Variants in SLC35F4 observed in about 807,000 individuals in gnomAD.
SLC35F4 encodes the protein chromosome 14 open reading frame 36.
In SLC35F4, 24 loss-of-function variants were observed where a neutral mutation model predicts 44.2. That is an observed-to-expected ratio of 0.54 (90% CI 0.39 to 0.76). The LOEUF is 0.76. SLC35F4 is among the 30% of genes least tolerant of loss of function. SLC35F4 has a pLI of 0.00. For missense variants in SLC35F4, 562 were observed against 586.1 expected (o/e 0.96, Z 0.42); for synonymous variants, 238 against 223.6 (o/e 1.06, Z -0.57).
intron 1 of SLC35F4, among the ~76,000 whole-genome samples, chr14:57,777,836 A>G (rs1036440817): frequency 8.6e-5 from 13 of 150,608 alleles, no homozygotes; most frequent in African/African-American, 3.2e-4. Context: ...GCAAGACCCA[A>G]TGGTATGCCA....
At chr14:57,757,164 T>C (rs1184190466) in intron 1 of SLC35F4, among the ~76,000 whole-genome samples, 1 of 152,216 alleles carries the variant, frequency 6.6e-6, no homozygotes, top group Non-Finnish European at 1.5e-5. Flanking sequence ...TTATCTCTGG[T>C]GTTACTCTTT....
At chr14:57,795,816 A>C (rs1452904032) in intron 1 of SLC35F4, among the ~76,000 whole-genome samples, 2 of 152,146 alleles carry the variant, frequency 1.3e-5, no homozygotes, top group African/African-American at 2.4e-5. Flanking sequence ...CCTTTATATT[A>C]GGTTTGGGGG....
chr14:57,912,015 G>T (rs1091167), intron 1 of SLC35F4, among the ~76,000 whole-genome samples: 29,511 of 151,728 alleles, frequency 0.19, 3,076 homozygotes, highest in South Asian at 0.23. Flanking sequence ...AGCAAATTGT[G>T]TCTTTCAAGG....
At chr14:57,581,004 A>C in intron 4 of SLC35F4, 1 of 405,702 alleles carries the variant, frequency 2.5e-6, no homozygotes, top group Non-Finnish European at 4.3e-6. Flanking sequence ...TGTTGGAATG[A>C]GCTCACTAAC....
chr14:57,768,180 T>C (rs1157446952), intron 1 of SLC35F4, among the ~76,000 whole-genome samples: 2 of 152,152 alleles, frequency 1.3e-5, no homozygotes, highest in Non-Finnish European at 2.9e-5. Context: ...GATAAGACAA[T>C]ATACAAAAGA....
At chr14:57,857,103 C>A (rs1158199556) in intron 1 of SLC35F4, among the ~76,000 whole-genome samples, 1 of 151,842 alleles carries the variant, frequency 6.6e-6, no homozygotes, top group African/African-American at 2.4e-5. Context: ...TGGTGAAACC[C>A]CATCTCTACT....
intron 1 of SLC35F4, among the ~76,000 whole-genome samples, chr14:57,598,077 G>A (rs2070599511): frequency 6.6e-6 from 1 of 152,114 alleles, no homozygotes; most frequent in Non-Finnish European, 1.5e-5. Flanking sequence ...GGACAAGAAG[G>A]CCAGAGTGTC....
At chr14:57,733,488 GCT>G (rs1491490003) in intron 1 of SLC35F4, among the ~76,000 whole-genome samples, 2 of 149,776 alleles carry the variant, frequency 1.3e-5, no homozygotes, top group Non-Finnish European at 3.0e-5. Flanking sequence ...GCCAGAAAAA[GCT>G]TTTTTTTTCA....
chr14:57,757,820 C>T (rs372996733), intron 1 of SLC35F4, among the ~76,000 whole-genome samples: 14 of 152,088 alleles, frequency 9.2e-5, no homozygotes, highest in Admixed American at 2.0e-4. Context: ...ACATAGTTAC[C>T]ATTTTCTGTA....
chr14:57,678,664 G>A (rs1444328871), intron 1 of SLC35F4, among the ~76,000 whole-genome samples: 6 of 151,146 alleles, frequency 4.0e-5, no homozygotes, highest in South Asian at 2.1e-4. Context: ...AAAATAAAGG[G>A]ATGGAGGAAT....
chr14:57,825,025 C>T (rs1056826872), intron 1 of SLC35F4, among the ~76,000 whole-genome samples: 10 of 152,024 alleles, frequency 6.6e-5, no homozygotes, highest in Non-Finnish European at 1.3e-4. Context: ...TAAAAAAAGA[C>T]TTGAACCAGA....
chr14:57,750,486 C>A (rs2076858630), intron 1 of SLC35F4, among the ~76,000 whole-genome samples: 1 of 152,174 alleles, frequency 6.6e-6, no homozygotes, highest in Non-Finnish European at 1.5e-5. Flanking sequence ...TACTAATTTA[C>A]ATTCCCACCA....
chr14:57,951,487 C>G (rs1890139007), intron 1 of SLC35F4, among the ~76,000 whole-genome samples: 1 of 152,184 alleles, frequency 6.6e-6, no homozygotes, highest in Admixed American at 6.5e-5. Context: ...AGTGGTCTAG[C>G]TGAGTGGATC....
intron 1 of SLC35F4, among the ~76,000 whole-genome samples, chr14:57,728,518 G>A (rs111297235): frequency 0.023 from 2,945 of 127,124 alleles, 53 homozygotes; most frequent in African/African-American, 0.055. Flanking sequence ...GCACGATCTC[G>A]GCTCACTGCA....
chr14:57,645,535 G>T (rs1258487647), intron 1 of SLC35F4, among the ~76,000 whole-genome samples: 2 of 151,902 alleles, frequency 1.3e-5, no homozygotes, highest in Non-Finnish European at 2.9e-5. Flanking sequence ...AGATGATGGG[G>T]TTTTCTAGAT....
At chr14:57,684,208 T>C (rs2074998330) in intron 1 of SLC35F4, among the ~76,000 whole-genome samples, 1 of 152,078 alleles carries the variant, frequency 6.6e-6, no homozygotes, top group Non-Finnish European at 1.5e-5. Flanking sequence ...TGCCACCTTC[T>C]TCCCAACATC....
At chr14:57,773,533 A>G (rs2077417764) in intron 1 of SLC35F4, among the ~76,000 whole-genome samples, 1 of 152,148 alleles carries the variant, frequency 6.6e-6, no homozygotes, top group Admixed American at 6.6e-5. Context: ...GAAGAGATAT[A>G]TTTTATTGGG....
intron 1 of SLC35F4, among the ~76,000 whole-genome samples, chr14:57,797,562 T>G (rs1174177788): frequency 6.6e-6 from 1 of 152,174 alleles, no homozygotes; most frequent in Non-Finnish European, 1.5e-5. Context: ...CTGAAGTACC[T>G]TCCAGCTCAA....
At chr14:57,733,560 A>T (rs11846232) in intron 1 of SLC35F4, among the ~76,000 whole-genome samples, 4,167 of 152,196 alleles carry the variant, frequency 0.027, 183 homozygotes, top group African/African-American at 0.089. Flanking sequence ...ATTGAAAAAA[A>T]AAGGCATCTT....
Sources: allele counts gnomAD v4.1 joint callset (sites outside exome capture counted in the v4.1 genomes callset), GRCh38; gene constraint gnomAD v4.1.1; transcripts MANE v1.5; gene names NCBI Gene and HGNC (gene_info 2026-07-23, HGNC 2026-07-21).